Variants in CWC27 observed in about 807,000 individuals in gnomAD.
CWC27 encodes the protein spliceosome-associated protein CWC27 homolog.
A neutral mutation model predicts 63.6 loss-of-function variants in CWC27; 47 were observed. The ratio of observed to expected loss-of-function variants is 0.74; its 90% CI spans 0.58 to 0.94. CWC27 has a LOEUF of 0.94. Among genes scored for constraint, CWC27 ranks in the 40% least tolerant of loss-of-function variants. The pLI, the probability that CWC27 is intolerant of heterozygous loss-of-function variation, is 0.00. For missense variants in CWC27, 495 were observed against 554.3 expected (o/e 0.89, Z 1.07); for synonymous variants, 175 against 179.8 (o/e 0.97, Z 0.22).
chr5:64,895,616 A>T (rs1486510692), intron 11 of CWC27, among the ~76,000 whole-genome samples: 3 of 152,198 alleles, frequency 2.0e-5, no homozygotes, highest in Non-Finnish European at 4.4e-5. Flanking sequence ...ACCAAAAGCT[A>T]GTAGAAACAT....
At chr5:64,975,556 G>A (rs1319308623) in intron 12 of CWC27, among the ~76,000 whole-genome samples, 2 of 151,946 alleles carry the variant, frequency 1.3e-5, no homozygotes, top group African/African-American at 4.8e-5. Flanking sequence ...AAATTCTGGA[G>A]TAGACTGTTA....
At chr5:64,809,589 G>A (rs1580627617) in intron 10 of CWC27, among the ~76,000 whole-genome samples, 1 of 152,164 alleles carries the variant, frequency 6.6e-6, no homozygotes, top group East Asian at 1.9e-4. Flanking sequence ...GAATGGTCTC[G>A]ATCTCCTGAC....
intron 11 of CWC27, among the ~76,000 whole-genome samples, chr5:64,893,929 CTTTT>C (rs10548975): frequency 2.8e-5 from 4 of 143,662 alleles, no homozygotes; most frequent in South Asian, 2.2e-4. Context: ...CCAATCCCTC[CTTTT>C]TTTTTTTTTT....
chr5:64,808,296 A>T, intron 10 of CWC27: 1 of 989,852 alleles, frequency 1.0e-6, no homozygotes, highest in African/African-American at 1.7e-5. Context: ...AGTTTGTATC[A>T]TGTTAGTTCC....
chr5:64,908,640 G>T (rs7737812), intron 11 of CWC27, among the ~76,000 whole-genome samples: 3 of 152,044 alleles, frequency 2.0e-5, no homozygotes, highest in African/African-American at 7.3e-5. Flanking sequence ...CTATGTAATG[G>T]CCTTCTTTGT....
At chr5:64,920,832 G>C (rs1246648914) in intron 11 of CWC27, among the ~76,000 whole-genome samples, 1 of 151,850 alleles carries the variant, frequency 6.6e-6, no homozygotes, top group Admixed American at 6.6e-5. Context: ...TGTTTATTTG[G>C]ATCTTCTCTC....
chr5:64,903,597 A>G (rs1306577138), intron 11 of CWC27, among the ~76,000 whole-genome samples: 1 of 152,060 alleles, frequency 6.6e-6, no homozygotes, highest in East Asian at 1.9e-4. Context: ...AACCTAGATG[A>G]TGTATTGATA....
At chr5:64,821,104 T>TTA (rs1237036090) in intron 10 of CWC27, among the ~76,000 whole-genome samples, 13 of 151,274 alleles carry the variant, frequency 8.6e-5, no homozygotes, top group African/African-American at 2.7e-4. Flanking sequence ...TTTTTTTTTT[T>TTA]TGAGAGAGTC....
intron 11 of CWC27, among the ~76,000 whole-genome samples, chr5:64,889,644 G>A (rs1359319671): frequency 1.3e-5 from 2 of 152,016 alleles, no homozygotes; most frequent in Admixed American, 1.3e-4. Flanking sequence ...AGCAAATTGA[G>A]GCCGGGCGCG....
intron 10 of CWC27, among the ~76,000 whole-genome samples, chr5:64,838,363 G>A (rs1379556121): frequency 4.6e-5 from 7 of 152,090 alleles, no homozygotes; most frequent in Non-Finnish European, 8.8e-5. Context: ...GAGATAAACA[G>A]CTGCTAATAA....
intron 10 of CWC27, among the ~76,000 whole-genome samples, chr5:64,878,079 T>G (rs1460216450): frequency 6.6e-6 from 1 of 151,942 alleles, no homozygotes; most frequent in East Asian, 1.9e-4. Flanking sequence ...AAACATTATT[T>G]TTTGCCTTAC....
chr5:64,771,102 G>A lies in CWC27; in HGVS notation c.42+1914G>A, dbSNP rs370447956. ...AAATACTATCTTCTGAACAGAAATA[G>A]GCTGAATGATAACATAAGGGCCCAA... On this transcript the variant is annotated intron_variant, in intron 1 of 13. Transcript: ENST00000381070. Among the ~76,000 whole-genome samples the A allele has an allele frequency of 5.3e-5, 8 of 152,298 alleles. 1 individual carries two copies. In the South Asian group the frequency reaches 1.0e-3, roughly 20 times the overall value.
intron 10 of CWC27, among the ~76,000 whole-genome samples, chr5:64,869,569 T>G (rs567086860): frequency 1.3e-5 from 2 of 152,148 alleles, no homozygotes; most frequent in Admixed American, 1.3e-4. Flanking sequence ...TCTACAGCAG[T>G]GACCTAGGAA....
At chr5:64,999,128 A>G (rs1334776264) in intron 13 of CWC27, among the ~76,000 whole-genome samples, 1 of 152,066 alleles carries the variant, frequency 6.6e-6, no homozygotes, top group Non-Finnish European at 1.5e-5. Context: ...GTGTCTCTTC[A>G]TATGAGTTAC....
At chr5:65,017,246 G>A (rs1420421076) in intron 13 of CWC27, among the ~76,000 whole-genome samples, 3 of 152,012 alleles carry the variant, frequency 2.0e-5, no homozygotes, top group South Asian at 2.1e-4. Context: ...GCTTGAACCC[G>A]GGAGGTGAAG....
rs937863649 is a variant in CWC27, at chr5:64,990,410, GC to G, written c.1256+13175del. Among the ~76,000 whole-genome samples, 704 of 105,438 alleles carry G rather than the reference GC, an allele frequency of 6.7e-3. 177 individuals are homozygous for G. Among genetic ancestry groups the G allele is most frequent in the African/African-American group, 0.024 (651 of 27,008 alleles). The allele number at this position is 105,438 out of a possible 152,430, so 69.2% of individuals were successfully genotyped here. A position where few individuals can be genotyped will look rare whatever the true frequency, so the allele number is the denominator to read the frequency against. ...CTCCCAAGTAGCTGGGACTACAGGC[GC>G]CCGCCACTACGCCCGGCTAATTTTT... On this transcript the variant is annotated intron_variant, in intron 13 of 13. Transcript: ENST00000381070.
chr5:64,847,294 G>A (rs1746008871), intron 10 of CWC27, among the ~76,000 whole-genome samples: 1 of 151,976 alleles, frequency 6.6e-6, no homozygotes, highest in Non-Finnish European at 1.5e-5. Context: ...TGAGACAAAG[G>A]ACATTACACA....
At chr5:64,918,113 G>A (rs1366830332) in intron 11 of CWC27, among the ~76,000 whole-genome samples, 1 of 151,994 alleles carries the variant, frequency 6.6e-6, no homozygotes, top group Admixed American at 6.6e-5. Context: ...GAGAGGAAGT[G>A]TCTTCAAAAA....
chr5:64,867,764 A>G (rs1308005089), intron 10 of CWC27, among the ~76,000 whole-genome samples: 2 of 152,068 alleles, frequency 1.3e-5, no homozygotes, highest in Admixed American at 6.6e-5. Flanking sequence ...GACCCCACCT[A>G]GGGTACCTAA....
Sources: allele counts gnomAD v4.1 joint callset (sites outside exome capture counted in the v4.1 genomes callset), GRCh38; gene constraint gnomAD v4.1.1; transcripts MANE v1.5; gene names NCBI Gene and HGNC (gene_info 2026-07-23, HGNC 2026-07-21).